The following CCDC91 variants were observed in gnomAD, a reference collection of about 807,000 sequenced individuals.
CCDC91 encodes coiled-coil domain-containing protein 91.
In CCDC91, 48 loss-of-function variants were observed where a neutral mutation model predicts 63.2. The ratio of observed to expected loss-of-function variants is 0.76; its 90% CI spans 0.60 to 0.97. CCDC91 has a LOEUF of 0.97. Ranked by LOEUF, CCDC91 falls within the 50% of genes least tolerant of loss-of-function variation. The pLI is 0.00. For missense variants in CCDC91, 500 were observed against 494.6 expected, an observed-to-expected ratio of 1.01 and a Z score of -0.10; for synonymous variants, 167 against 165.8, an observed-to-expected ratio of 1.01 and a Z score of -0.06.
chr12:28,463,359 C>T (rs1051751452), intron 11 of CCDC91, among the ~76,000 whole-genome samples: 1 of 152,074 alleles, frequency 6.6e-6, no homozygotes, highest in South Asian at 2.1e-4. Flanking sequence ...GAGACAAATT[C>T]GGATTTAATA....
intron 12 of CCDC91, among the ~76,000 whole-genome samples, chr12:28,489,182 G>A (rs1026235735): frequency 5.9e-5 from 9 of 151,756 alleles, no homozygotes; most frequent in African/African-American, 9.7e-5. Flanking sequence ...ATTTTTATTC[G>A]CTTCTTATGC....
intron 1 of CCDC91, among the ~76,000 whole-genome samples, chr12:28,242,501 AGG>A (rs1565660319): frequency 6.6e-6 from 1 of 152,128 alleles, no homozygotes; most frequent in Non-Finnish European, 1.5e-5. Flanking sequence ...CACAGAAAAG[AGG>A]GCAGCATGTT....
chr12:28,219,765 G>A (rs868845832), intron 1 of CCDC91, among the ~76,000 whole-genome samples: 5 of 152,010 alleles, frequency 3.3e-5, no homozygotes, highest in South Asian at 2.1e-4. Context: ...GAGCCACTGC[G>A]CCCGGCCCCC....
At chr12:28,409,822 A>C (rs1947204297) in intron 8 of CCDC91, among the ~76,000 whole-genome samples, 1 of 151,790 alleles carries the variant, frequency 6.6e-6, no homozygotes, top group African/African-American at 2.4e-5. Flanking sequence ...GTTTTTATTT[A>C]GTTTCTAAAT....
intron 8 of CCDC91, among the ~76,000 whole-genome samples, chr12:28,396,676 G>T (rs995025296): frequency 1.3e-5 from 2 of 149,836 alleles, no homozygotes; most frequent in African/African-American, 4.9e-5. Flanking sequence ...GTGTGTGTGT[G>T]TGTGGGCATG....
chr12:28,264,246 T>C (rs1204390089), intron 3 of CCDC91, among the ~76,000 whole-genome samples: 11 of 151,676 alleles, frequency 7.3e-5, no homozygotes, highest in Non-Finnish European at 1.6e-4. Context: ...CTTCTTTTTT[T>C]CTAACTTACT....
chr12:28,365,333 A>G (rs1944203977), intron 7 of CCDC91, among the ~76,000 whole-genome samples: 1 of 152,226 alleles, frequency 6.6e-6, no homozygotes, highest in South Asian at 2.1e-4. Context: ...ACCAATAAAT[A>G]CGTTTGCAGC....
intron 8 of CCDC91, among the ~76,000 whole-genome samples, chr12:28,447,579 C>T (rs1269829804): frequency 3.3e-5 from 5 of 149,460 alleles, no homozygotes; most frequent in African/African-American, 9.9e-5. Context: ...TGGCTGGGCA[C>T]GGCGGCTCAT....
At chr12:28,449,688 C>G (rs1394496936) in intron 8 of CCDC91, among the ~76,000 whole-genome samples, 1 of 151,884 alleles carries the variant, frequency 6.6e-6, no homozygotes, top group Non-Finnish European at 1.5e-5. Context: ...GAGGTGACAA[C>G]AATTAATAAA....
At chr12:28,218,017 A>G (rs1408395588) in intron 1 of CCDC91, among the ~76,000 whole-genome samples, 1 of 151,956 alleles carries the variant, frequency 6.6e-6, no homozygotes, top group Non-Finnish European at 1.5e-5. Context: ...TTCCAGTCTC[A>G]TTCATTTTCT....
At position 28,213,720 on chromosome 12, in the gene CCDC91, G is replaced by A. The variant is rs528469440; in HGVS notation, c.-15+23079G>A. 2.0e-5 allele frequency among the ~76,000 whole-genome samples: 3 copies of A among 152,286 alleles called. No homozygotes were observed. In the East Asian group the frequency reaches 5.8e-4, roughly 29 times the overall value. On this transcript the variant is annotated intron_variant, in intron 1 of 12. Coordinates refer to ENST00000536442, the MANE Select transcript of CCDC91 (RefSeq NM_018318.5). ...TATCATGGTATTAATATTACACACA[G>A]CATTATTTCTGATCAAAGAACTCAC...
At chr12:28,275,552 G>T (rs1186491871) in intron 3 of CCDC91, among the ~76,000 whole-genome samples, 1 of 152,086 alleles carries the variant, frequency 6.6e-6, no homozygotes, top group South Asian at 2.1e-4. Context: ...ACAAGGAGGG[G>T]CTGATACCAT....
At chr12:28,463,119 T>C (rs1466576721) in intron 11 of CCDC91, among the ~76,000 whole-genome samples, 1 of 152,184 alleles carries the variant, frequency 6.6e-6, no homozygotes, top group Non-Finnish European at 1.5e-5. Context: ...TTTTCAAAGA[T>C]ATTACAGTGA....
At chr12:28,214,066 G>C (rs1943409667) in intron 1 of CCDC91, among the ~76,000 whole-genome samples, 2 of 152,052 alleles carry the variant, frequency 1.3e-5, no homozygotes, top group South Asian at 4.1e-4. Context: ...CAAAATTTTT[G>C]CTTCCTGTTC....
intron 12 of CCDC91, among the ~76,000 whole-genome samples, chr12:28,508,496 C>T (rs1210810167): frequency 6.6e-6 from 1 of 151,762 alleles, no homozygotes; most frequent in Non-Finnish European, 1.5e-5. Flanking sequence ...CAAGGGAGTT[C>T]CAAGAGATAC....
At chr12:28,199,982 A>G (rs1012116172) in intron 1 of CCDC91, among the ~76,000 whole-genome samples, 3 of 152,102 alleles carry the variant, frequency 2.0e-5, no homozygotes, top group African/African-American at 7.2e-5. Flanking sequence ...AATGCTTTTC[A>G]TCAAATTAGA....
intron 6 of CCDC91, among the ~76,000 whole-genome samples, chr12:28,319,984 C>A (rs1478331): frequency 0.9 from 136,665 of 151,840 alleles, 62,803 homozygotes; most frequent in East Asian, 1. Context: ...TGAGAGATTC[C>A]AGGCTGTATG....
At chr12:28,381,880 C>T (rs1288595353) in intron 7 of CCDC91, among the ~76,000 whole-genome samples, 2 of 152,132 alleles carry the variant, frequency 1.3e-5, no homozygotes, top group Non-Finnish European at 2.9e-5. Flanking sequence ...TCTCAACTCA[C>T]AGTCAAGGTG....
chr12:28,496,671 G>C (rs1261811865), intron 12 of CCDC91, among the ~76,000 whole-genome samples: 1 of 151,396 alleles, frequency 6.6e-6, no homozygotes, highest in Middle Eastern at 3.2e-3. Flanking sequence ...TTCTAGAACA[G>C]AACATTAGCA....
Sources: allele counts gnomAD v4.1 joint callset (sites outside exome capture counted in the v4.1 genomes callset), GRCh38; gene constraint gnomAD v4.1.1; transcripts MANE v1.5; gene names NCBI Gene and HGNC (gene_info 2026-07-23, HGNC 2026-07-21).